ARHGAP26: variants seen among roughly 807,000 people sequenced by gnomAD.
The protein encoded by ARHGAP26 is Rho GTPase activating protein 26.
Under a neutral mutation model 104.8 loss-of-function variants are expected in ARHGAP26, and 38 were observed. The observed-to-expected ratio is 0.36, with a 90% CI of 0.28 to 0.48. The LOEUF (loss-of-function observed/expected upper bound fraction) is 0.48. Ranked by LOEUF, ARHGAP26 falls within the 20% of genes least tolerant of loss-of-function variation. The pLI is 0.99. For synonymous variants in ARHGAP26, 341 were observed against 340.0 expected (o/e 1.00, Z -0.03); for missense variants, 704 against 947.9 (o/e 0.74, Z 3.38).
intron 14 of ARHGAP26, among the ~76,000 whole-genome samples, chr5:143,049,202 A>G (rs2150207383): frequency 1.3e-5 from 2 of 152,280 alleles, no homozygotes; most frequent in South Asian, 4.1e-4. Flanking sequence ...TCAATCTTTT[A>G]AACACACCAA....
chr5:142,950,564 A>G (rs1184859280), intron 11 of ARHGAP26, among the ~76,000 whole-genome samples: 3 of 151,846 alleles, frequency 2.0e-5, no homozygotes, highest in Non-Finnish European at 1.5e-5. Context: ...TGCTGCATTT[A>G]TTTTTTGTTT....
intron 19 of ARHGAP26, 52 bp downstream of exon 19, chr5:143,134,157 A>G (rs1390970011): frequency 6.4e-7 from 1 of 1,557,272 alleles, no homozygotes; most frequent in Non-Finnish European, 8.7e-7. Flanking sequence ...ATCCCATGCT[A>G]CCTGCACGGC....
chr5:143,051,238 T>C (rs1321497557), intron 14 of ARHGAP26, among the ~76,000 whole-genome samples: 3 of 152,246 alleles, frequency 2.0e-5, no homozygotes, highest in African/African-American at 7.2e-5. Flanking sequence ...AGTAATAGAC[T>C]AGATGGCCCT....
chr5:142,772,736 G>A (rs566696160), intron 1 of ARHGAP26: 23 of 533,248 alleles, frequency 4.3e-5, no homozygotes, highest in Admixed American at 4.1e-4. Flanking sequence ...TGGAGTCCCT[G>A]CCAGTGCAGA....
intron 1 of ARHGAP26, among the ~76,000 whole-genome samples, chr5:142,836,452 C>G (rs1001624557): frequency 4.7e-5 from 7 of 150,176 alleles, no homozygotes; most frequent in African/African-American, 1.7e-4. Flanking sequence ...CTAATTAGAC[C>G]ACCTATGCTA....
intron 21 of ARHGAP26, among the ~76,000 whole-genome samples, chr5:143,209,027 A>C (rs1335723251): frequency 6.6e-6 from 1 of 152,226 alleles, no homozygotes; most frequent in African/African-American, 2.4e-5. Flanking sequence ...TCAGCTTCCA[A>C]AATGCCTCAC....
intron 1 of ARHGAP26, among the ~76,000 whole-genome samples, chr5:142,848,748 C>A (rs1232581776): frequency 6.6e-6 from 1 of 152,180 alleles, no homozygotes; most frequent in Non-Finnish European, 1.5e-5. Context: ...GTTAGGTTTT[C>A]CTGTAGCAGT....
At chr5:143,173,086 A>G in intron 20 of ARHGAP26, 1 of 174,716 alleles carries the variant, frequency 5.7e-6, no homozygotes, top group Non-Finnish European at 1.2e-5. Flanking sequence ...GTGCTGTGAC[A>G]GAGACAGACT....
chr5:143,119,635 AG>A (rs1171817228), intron 17 of ARHGAP26, among the ~76,000 whole-genome samples: 1 of 152,208 alleles, frequency 6.6e-6, no homozygotes, highest in Admixed American at 6.5e-5. Flanking sequence ...TATGTGGACC[AG>A]AAACAGGCCA....
chr5:143,224,080 A>C lies in ARHGAP26; in HGVS notation c.*1634A>C. On this transcript the variant is annotated 3_prime_UTR_variant, in exon 23 of 23. Transcript: ENST00000645722. ...CTTTAAAGAAGAAAAGAAAAACTTG[A>C]ATTGTGTTGAATTACTGTATCTTTT... 1 of 228,646 alleles carries C rather than the reference A, an allele frequency of 4.4e-6. No individual in the cohort carries two copies. Among genetic ancestry groups the C allele is most frequent in the Non-Finnish European group, 8.6e-6 (1 of 115,810 alleles). 14.2% of individuals were successfully genotyped at this position (228,646 alleles called of 1,614,324 possible).
chr5:143,046,001 G>T (rs1784181646), intron 14 of ARHGAP26, among the ~76,000 whole-genome samples: 3 of 152,182 alleles, frequency 2.0e-5, no homozygotes, highest in South Asian at 4.1e-4. Flanking sequence ...AGGTGTGGTG[G>T]TGCACACCTG....
intron 11 of ARHGAP26, among the ~76,000 whole-genome samples, chr5:142,954,048 G>T (rs1440580802): frequency 6.6e-6 from 1 of 152,192 alleles, no homozygotes; most frequent in African/African-American, 2.4e-5. Flanking sequence ...CAAGTATGCT[G>T]TCTGAGCAAA....
At chr5:142,862,064 G>A (rs1276604102) in intron 1 of ARHGAP26, among the ~76,000 whole-genome samples, 2 of 152,192 alleles carry the variant, frequency 1.3e-5, no homozygotes, top group Non-Finnish European at 2.9e-5. Context: ...GATTCTTTGG[G>A]CTTGGTTATG....
chr5:142,880,583 T>G (rs1190448406), intron 4 of ARHGAP26, among the ~76,000 whole-genome samples: 1 of 152,064 alleles, frequency 6.6e-6, no homozygotes. Context: ...AGAGGCTACC[T>G]GCAGAGAAGA....
Position 142,802,536 on chromosome 5 carries a change from A to G in ARHGAP26, c.154+31621A>G, listed in dbSNP as rs1465244889. On this transcript the variant is annotated intron_variant, in intron 1 of 22. Transcript: ENST00000645722. ...TGAGGACAAAAAAATTGGTTTTGTT[A>G]TGTGTTGTTTTACTTAAAGTTGCAG... Among the ~76,000 whole-genome samples, 4 of 152,198 alleles carry G rather than the reference A, an allele frequency of 2.6e-5. No individual in the cohort carries two copies. The South Asian group carries it at 6.2e-4, about 24-fold the overall frequency.
At position 142,963,163 on chromosome 5, in the gene ARHGAP26, G is replaced by GATATATATATATATATATAT. The variant is rs1562163912; in HGVS notation, c.1107+31038_1107+31039insATATATATATATATATATAT. Among the ~76,000 whole-genome samples, 24 of 112,190 alleles carry GATATATATATATATATATAT rather than the reference G, an allele frequency of 2.1e-4. 1 individual carries two copies. The highest frequency in any genetic ancestry group is 6.1e-4 in the African/African-American group (14 of 23,018). The allele number at this position is 112,190 out of a possible 152,430, so 73.6% of individuals were successfully genotyped here. ...TTTTTATGGCTGTGTAGTATTCCATGGTATATATGTATATATATATATATA... is the reference window on the plus strand; with the variant it reads ...TTTTTATGGCTGTGTAGTATTCCATGATATATATATATATATATATGTATATATGTATATATATATATATA... On this transcript the variant is annotated intron_variant, in intron 11 of 22. Transcript: ENST00000645722.
At chr5:142,788,360 C>G (rs1759088435) in intron 1 of ARHGAP26, among the ~76,000 whole-genome samples, 1 of 152,056 alleles carries the variant, frequency 6.6e-6, no homozygotes, top group African/African-American at 2.4e-5. Flanking sequence ...GACTCCCACC[C>G]CATTTTTTTG....
At chr5:143,072,657 C>G (rs527347039) in intron 17 of ARHGAP26, among the ~76,000 whole-genome samples, 1 of 152,256 alleles carries the variant, frequency 6.6e-6, no homozygotes, top group South Asian at 2.1e-4. Flanking sequence ...AAGTTAAATA[C>G]TGCATATTCT....
chr5:142,839,196 G>A (rs780623884), intron 1 of ARHGAP26, among the ~76,000 whole-genome samples: 19 of 152,152 alleles, frequency 1.2e-4, no homozygotes, highest in African/African-American at 2.7e-4. Flanking sequence ...GAGATGAGTC[G>A]TTTGAGTTTA....
Sources: allele counts gnomAD v4.1 joint callset (sites outside exome capture counted in the v4.1 genomes callset), GRCh38; gene constraint gnomAD v4.1.1; transcripts MANE v1.5; gene names NCBI Gene and HGNC (gene_info 2026-07-23, HGNC 2026-07-21).